The following PSMD11 variants were observed in gnomAD, a reference collection of about 807,000 sequenced individuals.
The protein encoded by PSMD11 is proteasome 26S subunit, non-ATPase 11, also known as 26S proteasome non-ATPase regulatory subunit 11.
PSMD11 carries 5 observed loss-of-function variants against 62.3 expected under a neutral mutation model. The observed-to-expected ratio is 0.08, with a 90% confidence interval of 0.04 to 0.17. PSMD11 has a LOEUF of 0.17. Ranked by LOEUF, PSMD11 falls within the 10% of genes least tolerant of loss-of-function variation. The pLI is 1.00. For synonymous variants in PSMD11, 191 were observed against 191.8 expected (o/e 1.00, Z 0.03); for missense variants, 310 against 512.9 (o/e 0.60, Z 3.82).
At position 32,473,782 on chromosome 17, in the gene PSMD11, C is replaced by G. The variant is rs142249717; in HGVS notation, c.644-19C>G. ...TCTATTATTTTATATGTTCTTATTC[C>G]TTTCTTTTCAATGCCCAGGTATTAT... On this transcript the variant is annotated intron_variant, in intron 6 of 13. Transcript: ENST00000261712. 4.3e-4 allele frequency: 696 copies of G among 1,611,996 alleles called. 4 individuals are homozygous for G. In the African/African-American group the frequency reaches 7.8e-3, roughly 18 times the overall value.
chr17:32,456,311 A>G (rs949187351), intron 3 of PSMD11, among the ~76,000 whole-genome samples: 1 of 152,156 alleles, frequency 6.6e-6, no homozygotes, highest in Non-Finnish European at 1.5e-5. Flanking sequence ...CTTTTTGCAC[A>G]CTGAAGTTTC....
At chr17:32,473,253 A>C (rs1229569654) in intron 6 of PSMD11, among the ~76,000 whole-genome samples, 1 of 150,140 alleles carries the variant, frequency 6.7e-6, no homozygotes, top group Non-Finnish European at 1.5e-5. Context: ...AAAAGTGCCG[A>C]GATTACAGGA....
chr17:32,454,652 A>T (rs1373091726), intron 3 of PSMD11, 33 bp downstream of exon 3: 1 of 1,603,884 alleles, frequency 6.2e-7, no homozygotes, highest in Non-Finnish European at 8.5e-7. Context: ...AGTAGACAAT[A>T]TGGAGAAAAG....
At chr17:32,446,671 G>T (rs1010539271) in intron 1 of PSMD11, among the ~76,000 whole-genome samples, 10 of 152,164 alleles carry the variant, frequency 6.6e-5, no homozygotes, top group African/African-American at 2.2e-4. Context: ...GAAACTTAGT[G>T]TATGTAGGTA....
In PSMD11 at chr17:32,480,523, T is replaced by C. The variant is rs1450774174; in HGVS notation, c.1161T>C (p.Ile387=). Residue 387 remains isoleucine (I), a synonymous_variant, in exon 13 of 14, where the codon ATT becomes ATC. Transcript: ENST00000261712. The part of the protein sequence containing the change: ...ILDQGEGVLI[I]FDEPPVDKTY... ...ACCAGGGGGAGGGTGTCCTGATTAT[T>C]TTCGATGAACCCCCAGTAGATAAAA... 1.2e-6 allele frequency: 2 copies of C among 1,614,064 alleles called. No individual in the cohort carries two copies. Among genetic ancestry groups the C allele is most frequent in the Non-Finnish European group, 1.7e-6 (2 of 1,180,026 alleles).
chr17:32,465,106 T>A (rs1171514029), intron 5 of PSMD11, among the ~76,000 whole-genome samples: 1 of 151,356 alleles, frequency 6.6e-6, no homozygotes, highest in Non-Finnish European at 1.5e-5. Flanking sequence ...AATCTATCTA[T>A]CTATCTATTT....
intron 6 of PSMD11, among the ~76,000 whole-genome samples, chr17:32,473,446 T>G (rs1328599895): frequency 7.2e-5 from 11 of 151,986 alleles, no homozygotes; most frequent in Admixed American, 7.2e-4. Context: ...CCAGCTAATT[T>G]TTTTTGTAAT....
intron 6 of PSMD11, among the ~76,000 whole-genome samples, chr17:32,470,097 C>T (rs1908118933): frequency 6.6e-6 from 1 of 151,866 alleles, no homozygotes; most frequent in Non-Finnish European, 1.5e-5. Flanking sequence ...ACCACAGCCT[C>T]AACTTCCTGG....
chr17:32,455,151 A>G (rs1288730766), intron 3 of PSMD11, among the ~76,000 whole-genome samples: 3 of 152,192 alleles, frequency 2.0e-5, no homozygotes, highest in Admixed American at 6.5e-5. Context: ...GAATCTTCCA[A>G]CCTTCTCAAA....
Position 32,479,246 on chromosome 17 carries a change from G to T in PSMD11, c.913-5G>T, listed in dbSNP as rs1319914599. 6.2e-7 allele frequency: 1 copy of T among 1,613,544 alleles called. No homozygotes were observed. Among genetic ancestry groups the T allele is most frequent in the South Asian group, 1.1e-5 (1 of 91,018 alleles). On this transcript the variant is annotated splice_polypyrimidine_tract_variant and splice_region_variant and intron_variant, in intron 9 of 13. Transcript: ENST00000261712. The stretch of plus-strand genomic sequence containing the variant: ...GCCAATCTCTGCAACTGGTTCCTTT[G>T]GCAGGCTCTGACAGATTACCGGGCA...
intron 3 of PSMD11, among the ~76,000 whole-genome samples, chr17:32,457,875 A>G (rs991568724): frequency 3.4e-5 from 5 of 148,430 alleles, no homozygotes; most frequent in African/African-American, 1.3e-4. Context: ...ATCTTGGCTC[A>G]CTGCAACCTC....
At chr17:32,453,002 A>G (rs146904135) in intron 2 of PSMD11, among the ~76,000 whole-genome samples, 68 of 152,346 alleles carry the variant, frequency 4.5e-4, no homozygotes, top group African/African-American at 1.6e-3. Flanking sequence ...ATTTAAAGCC[A>G]TGTGAAAGAA....
At chr17:32,466,075 A>G (rs1907985717) in intron 5 of PSMD11, among the ~76,000 whole-genome samples, 1 of 151,992 alleles carries the variant, frequency 6.6e-6, no homozygotes, top group Non-Finnish European at 1.5e-5. Context: ...GGCTCACTGC[A>G]ACCTCCGTCT....
intron 1 of PSMD11, 71 bp from the exon 2 acceptor site, chr17:32,446,871 TATG>T: frequency 1.0e-6 from 1 of 982,074 alleles, no homozygotes; most frequent in Non-Finnish European, 1.6e-6. Flanking sequence ...TAATGGATCT[TATG>T]AGGGTGAAAT....
At chr17:32,456,067 C>T (rs1055126051) in intron 3 of PSMD11, among the ~76,000 whole-genome samples, 6 of 149,898 alleles carry the variant, frequency 4.0e-5, no homozygotes, top group Non-Finnish European at 7.4e-5. Context: ...TGGCGTGAAC[C>T]CGGGAGGCGG....
intron 8 of PSMD11, 98 bp downstream of exon 8, chr17:32,474,922 C>G: frequency 9.4e-7 from 1 of 1,058,518 alleles, no homozygotes; most frequent in Non-Finnish European, 1.5e-6. Flanking sequence ...GATCTTCATA[C>G]TACTCTCTTC....
At chr17:32,460,625 T>C (rs1203439855) in intron 3 of PSMD11, among the ~76,000 whole-genome samples, 1 of 151,702 alleles carries the variant, frequency 6.6e-6, no homozygotes, top group African/African-American at 2.4e-5. Context: ...TACAAAAAAT[T>C]AGCCAGGTGT....
At chr17:32,450,738 T>G (rs1342646091) in intron 2 of PSMD11, among the ~76,000 whole-genome samples, 5 of 151,956 alleles carry the variant, frequency 3.3e-5, no homozygotes, top group Non-Finnish European at 7.4e-5. Context: ...AAAACAGTAG[T>G]AGACTAAAAC....
Position 32,480,205 on chromosome 17 carries a change from A to G in PSMD11, c.1126+8A>G, listed in dbSNP as rs368726250. On this transcript the variant is annotated splice_region_variant and intron_variant, in intron 12 of 13. Transcript: ENST00000261712. Reference sequence around the variant, plus strand: ...TTGACAAGAAATTTCATGGTAAGTAACAGTCACACAGGCAAGGGGGCTGGT... The same window carrying G: ...TTGACAAGAAATTTCATGGTAAGTAGCAGTCACACAGGCAAGGGGGCTGGT... 13 of 1,610,500 alleles carry G rather than the reference A, an allele frequency of 8.1e-6. No individual in the cohort carries two copies. The highest frequency in any genetic ancestry group is 1.0e-5 in the Non-Finnish European group (12 of 1,176,638).
Sources: gnomAD v4.1 joint callset for allele counts (sites outside exome capture counted in the v4.1 genomes callset) on GRCh38, gnomAD v4.1.1 for gene constraint, MANE v1.5 for transcripts, NCBI Gene and HGNC (gene_info 2026-07-23, HGNC 2026-07-21) for gene names.